Variants in EPHA6 observed in about 807,000 individuals in gnomAD.
EPHA6 encodes the protein ephrin type-A receptor 6.
Under a neutral mutation model 112.0 loss-of-function variants are expected in EPHA6, and 50 were observed. The observed-to-expected ratio is 0.45, with a 90% CI of 0.36 to 0.56. The LOEUF is 0.56. Ranked by LOEUF, EPHA6 falls within the 20% of genes least tolerant of loss-of-function variation. The pLI is 0.00. For synonymous variants in EPHA6, 529 were observed against 490.7 expected, an observed-to-expected ratio of 1.08 and a Z score of -1.03; for missense variants, 1,280 against 1,417.4, an observed-to-expected ratio of 0.90 and a Z score of 1.56.
At chr3:97,375,598 C>T (rs1348339505) in intron 5 of EPHA6, among the ~76,000 whole-genome samples, 5 of 152,072 alleles carry the variant, frequency 3.3e-5, no homozygotes, top group Non-Finnish European at 7.4e-5. Flanking sequence ...ACGGTCAGTG[C>T]ATATCCTTGG....
At chr3:97,221,852 G>A (rs1391406747) in intron 3 of EPHA6, among the ~76,000 whole-genome samples, 2 of 152,076 alleles carry the variant, frequency 1.3e-5, no homozygotes, top group Non-Finnish European at 2.9e-5. Context: ...CCAACATGGT[G>A]AAACCCGATC....
intron 1 of EPHA6, among the ~76,000 whole-genome samples, chr3:96,824,219 T>G (rs2033493309): frequency 6.6e-6 from 1 of 151,818 alleles, no homozygotes; most frequent in Admixed American, 6.6e-5. Context: ...AATGTGGAAT[T>G]AAATTTAATA....
intron 5 of EPHA6, among the ~76,000 whole-genome samples, chr3:97,311,533 A>G (rs1370750604): frequency 6.6e-6 from 1 of 151,620 alleles, no homozygotes; most frequent in East Asian, 1.9e-4. Context: ...AAGTTGCTCC[A>G]GCACCATTTA....
rs372532864 is a variant in EPHA6 at position 97,113,131 on chromosome 3, A to G, written c.1115-113133A>G. Among the ~76,000 whole-genome samples, 6 of 152,118 alleles carry G rather than the reference A, an allele frequency of 3.9e-5. No homozygotes were observed. The South Asian group carries it at 1.2e-3, about 32-fold the overall frequency. On this transcript the variant is annotated intron_variant, in intron 3 of 17. Transcript: ENST00000389672. The stretch of plus-strand genomic sequence containing the variant: ...GCTCAACCTTGTCCTGTAGATAATC[A>G]TTTCCCCGACTGGTCATATTTCTGA...
intron 14 of EPHA6, among the ~76,000 whole-genome samples, chr3:97,658,189 C>G (rs1664450766): frequency 6.6e-6 from 1 of 151,806 alleles, no homozygotes; most frequent in African/African-American, 2.4e-5. Flanking sequence ...TCATGTAAAA[C>G]ATGCTTTATA....
intron 3 of EPHA6, among the ~76,000 whole-genome samples, chr3:97,169,566 C>T (rs906212996): frequency 2.6e-5 from 4 of 152,096 alleles, no homozygotes; most frequent in African/African-American, 9.7e-5. Context: ...ATTAAAGCCT[C>T]TCTTCTACAG....
intron 7 of EPHA6, among the ~76,000 whole-genome samples, chr3:97,471,638 G>T (rs560969036): frequency 4.6e-5 from 7 of 151,672 alleles, no homozygotes; most frequent in African/African-American, 1.7e-4. Flanking sequence ...GATTAGTGTT[G>T]GGTACACTCT....
intron 11 of EPHA6, among the ~76,000 whole-genome samples, chr3:97,546,993 C>A (rs973270068): frequency 1.3e-5 from 2 of 152,106 alleles, no homozygotes; most frequent in African/African-American, 4.8e-5. Context: ...CTTTTAACTT[C>A]TTTGCCATTG....
intron 3 of EPHA6, among the ~76,000 whole-genome samples, chr3:97,014,897 G>A (rs1428851110): frequency 6.6e-6 from 1 of 152,124 alleles, no homozygotes; most frequent in African/African-American, 2.4e-5. Flanking sequence ...TAAATTTGCT[G>A]TGACAGCCTC....
intron 2 of EPHA6, among the ~76,000 whole-genome samples, chr3:96,973,003 CTTA>C (rs2042377676): frequency 6.6e-6 from 1 of 152,068 alleles, no homozygotes; most frequent in African/African-American, 2.4e-5. Context: ...GTTTGATTGC[CTTA>C]TTTTGTTCTC....
intron 1 of EPHA6, among the ~76,000 whole-genome samples, chr3:96,865,591 G>A (rs9859284): frequency 0.25 from 37,953 of 151,216 alleles, 8,938 homozygotes; most frequent in African/African-American, 0.6. Flanking sequence ...CTGAGGCAGG[G>A]GGATCGCCTT....
intron 7 of EPHA6, among the ~76,000 whole-genome samples, chr3:97,464,526 G>A (rs2090993774): frequency 6.6e-6 from 1 of 152,052 alleles, no homozygotes; most frequent in Non-Finnish European, 1.5e-5. Context: ...ACCTCTCCAT[G>A]TTTATGCTAA....
chr3:97,108,215 T>C, intron 3 of EPHA6, among the ~76,000 whole-genome samples: 1 of 151,952 alleles, frequency 6.6e-6, no homozygotes, highest in African/African-American at 2.4e-5. Flanking sequence ...GGAAAGTCAG[T>C]GGAAAGCTCA....
intron 14 of EPHA6, among the ~76,000 whole-genome samples, chr3:97,660,153 G>GT (rs1170283016): frequency 1.3e-5 from 2 of 151,992 alleles, no homozygotes; most frequent in African/African-American, 4.8e-5. Flanking sequence ...AAAGAGGATT[G>GT]TAACAACCAT....
At chr3:97,446,141 C>T (rs1012892325) in intron 6 of EPHA6, among the ~76,000 whole-genome samples, 9 of 152,166 alleles carry the variant, frequency 5.9e-5, no homozygotes, top group Admixed American at 2.0e-4. Flanking sequence ...CAAAAGCTAA[C>T]TTGGTTTCCC....
chr3:97,112,586 A>G (rs950568818), intron 3 of EPHA6, among the ~76,000 whole-genome samples: 9 of 152,134 alleles, frequency 5.9e-5, no homozygotes, highest in African/African-American at 2.2e-4. Context: ...TCGATTTTGT[A>G]TGTGAAGTTT....
chr3:97,223,488 AAAAG>A, intron 3 of EPHA6, among the ~76,000 whole-genome samples: 1 of 152,336 alleles, frequency 6.6e-6, no homozygotes, highest in Non-Finnish European at 1.5e-5. Flanking sequence ...AAGATTCTGG[AAAAG>A]GCCAGTGTGG....
At chr3:97,496,998 C>T (rs2091997184) in intron 10 of EPHA6, among the ~76,000 whole-genome samples, 1 of 152,144 alleles carries the variant, frequency 6.6e-6, no homozygotes. Flanking sequence ...ATCCCAGGAT[C>T]CAACCTCGTT....
chr3:97,444,407 A>C (rs2090253278), intron 6 of EPHA6, among the ~76,000 whole-genome samples: 2 of 152,112 alleles, frequency 1.3e-5, no homozygotes, highest in Admixed American at 1.3e-4. Flanking sequence ...AATGATTCAT[A>C]GCAGAAGGAA....
Sources: gnomAD v4.1 joint callset for allele counts (sites outside exome capture counted in the v4.1 genomes callset) on GRCh38, gnomAD v4.1.1 for gene constraint, MANE v1.5 for transcripts, NCBI Gene and HGNC (gene_info 2026-07-23, HGNC 2026-07-21) for gene names.